The following TENM2 variants were observed in gnomAD, a reference collection of about 807,000 sequenced individuals.
TENM2 encodes the protein teneurin-2.
A neutral mutation model predicts 245.2 loss-of-function variants in TENM2; 52 were observed. The ratio of observed to expected loss-of-function variants is 0.21; its 90% CI spans 0.17 to 0.27. The LOEUF (loss-of-function observed/expected upper bound fraction) is 0.27. Among genes scored for constraint, TENM2 ranks in the 10% least tolerant of loss-of-function variants. TENM2 has a pLI of 1.00. For missense variants in TENM2, 3,046 were observed against 3,666.8 expected (o/e 0.83, Z 4.37); for synonymous variants, 1,363 against 1,438.9 (o/e 0.95, Z 1.19).
chr5:167,847,851 C>T (rs538012189), intron 2 of TENM2, among the ~76,000 whole-genome samples: 2 of 152,276 alleles, frequency 1.3e-5, no homozygotes, highest in Non-Finnish European at 2.9e-5. Context: ...AACTCCAAAG[C>T]CTTTTTTTAT....
rs144422429 is a variant in TENM2, at chr5:167,600,802, C to T, written c.502+225329C>T. Among the ~76,000 whole-genome samples the T allele has an allele frequency of 4.8e-4, 73 of 152,290 alleles. 1 individual carries two copies. The highest frequency in any genetic ancestry group is 1.7e-3 in the African/African-American group (70 of 41,560). ...TTGCTCATCTGGGCAAGAAGATCCA[C>T]ATATGTTAAGGGTAGAATTGATTTC... On this transcript the variant is annotated intron_variant, in intron 2 of 28. Coordinates refer to ENST00000518659, the Ensembl canonical transcript of TENM2.
chr5:167,631,754 CTTCCT>C (rs1312225106), intron 2 of TENM2, among the ~76,000 whole-genome samples: 3 of 152,156 alleles, frequency 2.0e-5, no homozygotes, highest in Admixed American at 1.3e-4. Flanking sequence ...TTAAACTTCA[CTTCCT>C]TAGAAAAGCC....
the TENM2 span, among the ~76,000 whole-genome samples, chr5:167,027,611 A>G: frequency 3.3e-5 from 5 of 152,216 alleles, no homozygotes; most frequent in African/African-American, 7.2e-5. Context: ...AAAAAATTCA[A>G]ACTAGAAATA....
chr5:167,541,022 A>G (rs1183839344), intron 2 of TENM2, among the ~76,000 whole-genome samples: 1 of 152,164 alleles, frequency 6.6e-6, no homozygotes, highest in Non-Finnish European at 1.5e-5. Flanking sequence ...AGAAGTGGGA[A>G]CGGTACTATT....
At chr5:167,188,074 T>C in the TENM2 span, among the ~76,000 whole-genome samples, 1 of 152,136 alleles carries the variant, frequency 6.6e-6, no homozygotes, top group Non-Finnish European at 1.5e-5. Context: ...TCAGAATCAT[T>C]CTGTTGCATT....
At chr5:168,200,001 C>G in exon 17 of TENM2, 7 of 1,614,014 alleles carry the variant, frequency 4.3e-6, no homozygotes, top group Non-Finnish European at 5.9e-6. Flanking sequence ...TTAGGGTTCA[C>G]CTGATGGTGG....
At chr5:167,153,667 A>G in the TENM2 span, among the ~76,000 whole-genome samples, 462 of 143,868 alleles carry the variant, frequency 3.2e-3, 4 homozygotes, top group Non-Finnish European at 3.4e-3. Context: ...ATGGCTTTAA[A>G]TATATATATA....
the TENM2 span, among the ~76,000 whole-genome samples, chr5:166,996,164 A>G: frequency 2.0e-5 from 3 of 151,996 alleles, no homozygotes; most frequent in Admixed American, 1.3e-4. Context: ...TAACACGGTG[A>G]AACCCCGTCT....
At chr5:168,157,858 T>C (rs995236809) in intron 12 of TENM2, among the ~76,000 whole-genome samples, 2 of 152,094 alleles carry the variant, frequency 1.3e-5, no homozygotes, top group African/African-American at 4.8e-5. Context: ...TCAGAAGACT[T>C]GAGTTGAAGA....
intron 1 of TENM2, among the ~76,000 whole-genome samples, chr5:167,341,612 G>GA (rs1404769370): frequency 3.3e-5 from 5 of 151,536 alleles, no homozygotes; most frequent in Admixed American, 2.0e-4. Context: ...TGTGATGATT[G>GA]AAAAAAAATC....
chr5:168,146,642 G>A (rs931365652), intron 12 of TENM2, among the ~76,000 whole-genome samples: 6 of 152,152 alleles, frequency 3.9e-5, no homozygotes, highest in African/African-American at 9.7e-5. Flanking sequence ...TGACAGAAAC[G>A]GCCGGTCCCA....
chr5:168,215,225 G>A, exon 21 of TENM2: 1 of 1,613,948 alleles, frequency 6.2e-7, no homozygotes, highest in Non-Finnish European at 8.5e-7. Context: ...GAAGCCCGCT[G>A]CGGGGATGGA....
chr5:167,227,090 G>C, the TENM2 span, among the ~76,000 whole-genome samples: 1 of 104,892 alleles, frequency 9.5e-6, no homozygotes, highest in Non-Finnish European at 1.9e-5. Flanking sequence ...TGCATTTCTT[G>C]TAGACAGCAT....
chr5:167,022,703 G>A, the TENM2 span, among the ~76,000 whole-genome samples: 2 of 152,056 alleles, frequency 1.3e-5, no homozygotes, highest in African/African-American at 2.4e-5. Flanking sequence ...ACAATAAGGT[G>A]GCTGGAAATG....
At chr5:167,153,138 C>T in the TENM2 span, among the ~76,000 whole-genome samples, 2 of 150,984 alleles carry the variant, frequency 1.3e-5, no homozygotes, top group African/African-American at 4.9e-5. Context: ...CATAGCTGAC[C>T]CCTGAACAGT....
At chr5:167,043,790 G>A in the TENM2 span, among the ~76,000 whole-genome samples, 2 of 152,106 alleles carry the variant, frequency 1.3e-5, no homozygotes, top group Non-Finnish European at 2.9e-5. Flanking sequence ...GGCGTGATCC[G>A]AGGTGGGCGG....
chr5:167,331,404 A>G (rs1423439829), intron 1 of TENM2, among the ~76,000 whole-genome samples: 2 of 152,232 alleles, frequency 1.3e-5, no homozygotes, highest in Non-Finnish European at 2.9e-5. Flanking sequence ...CTTTCAGGAT[A>G]GAAAGATGGA....
the TENM2 span, among the ~76,000 whole-genome samples, chr5:167,042,213 T>C: frequency 6.6e-6 from 1 of 152,226 alleles, no homozygotes; most frequent in African/African-American, 2.4e-5. Context: ...TATAGTAGTG[T>C]TCCTTTCGAT....
rs138037922 is a variant in TENM2 at position 167,751,196 on chromosome 5, T to C, written c.503-124790T>C. ...CCTTACAAGGTTTCATGGATCACCT[T>C]AAAGAGGTTCTTAAAGAGGTAAGAA... On this transcript the variant is annotated intron_variant, in intron 2 of 28. Transcript: ENST00000518659. Among the ~76,000 whole-genome samples the C allele has an allele frequency of 4.6e-3, 704 of 152,274 alleles. 7 individuals are homozygous for C. The highest frequency in any genetic ancestry group is 0.016 in the African/African-American group (679 of 41,562).
Sources: gnomAD v4.1 joint callset for allele counts (sites outside exome capture counted in the v4.1 genomes callset) on GRCh38, gnomAD v4.1.1 for gene constraint, MANE v1.5 for transcripts, NCBI Gene and HGNC (gene_info 2026-07-23, HGNC 2026-07-21) for gene names.